The following FAM184A variants were observed in gnomAD, a reference collection of about 807,000 sequenced individuals.
FAM184A encodes the protein family with sequence similarity 184 member A.
Under a neutral mutation model 143.8 loss-of-function variants are expected in FAM184A, and 99 were observed. That is an observed-to-expected ratio of 0.69 (90% CI 0.58 to 0.81). The LOEUF is 0.81. Ranked by LOEUF, FAM184A falls within the 40% of genes least tolerant of loss-of-function variation. FAM184A has a pLI of 0.00. For missense variants in FAM184A, 1,217 were observed against 1,310.5 expected, an observed-to-expected ratio of 0.93 and a Z score of 1.10; for synonymous variants, 427 against 446.4, an observed-to-expected ratio of 0.96 and a Z score of 0.55.
At chr6:119,031,907 C>T (rs959982547) in intron 1 of FAM184A, among the ~76,000 whole-genome samples, 5 of 151,962 alleles carry the variant, frequency 3.3e-5, no homozygotes, top group Admixed American at 6.6e-5. Flanking sequence ...AAGTATACAA[C>T]GTTACATACA....
At chr6:119,109,680 A>G (rs1788880861) in intron 1 of FAM184A, among the ~76,000 whole-genome samples, 2 of 152,250 alleles carry the variant, frequency 1.3e-5, no homozygotes, top group Admixed American at 1.3e-4. Context: ...GTTAATGAAC[A>G]GAGACTCCCA....
rs184577893 is a variant in FAM184A at position 118,987,127 on chromosome 6, C to T, written c.2089-6777G>A. Among the ~76,000 whole-genome samples the T allele has an allele frequency of 3.5e-3, 528 of 152,218 alleles. 3 individuals are homozygous for T. Among genetic ancestry groups the T allele is most frequent in the African/African-American group, 0.012 (511 of 41,542 alleles). ...GAATTTCACAGGACATCTCTAGGCT[C>T]AAAGCTTTGATTTCTCTAGGGCTGG... On this transcript the variant is annotated intron_variant, in intron 9 of 17. Coordinates refer to ENST00000338891, the MANE Select transcript of FAM184A (RefSeq NM_024581.6).
At chr6:119,141,773 G>A (rs959954237) in intron 1 of FAM184A, among the ~76,000 whole-genome samples, 6 of 152,110 alleles carry the variant, frequency 3.9e-5, no homozygotes, top group African/African-American at 7.2e-5. Flanking sequence ...CACTGTGCCC[G>A]GCCCCTGTGC....
intron 9 of FAM184A, among the ~76,000 whole-genome samples, chr6:118,982,119 A>G (rs1391453515): frequency 6.6e-6 from 1 of 152,218 alleles, no homozygotes; most frequent in Non-Finnish European, 1.5e-5. Context: ...AATATGATAA[A>G]TTATACCACA....
intron 1 of FAM184A, among the ~76,000 whole-genome samples, chr6:119,125,471 C>T (rs868154368): frequency 1.6e-4 from 24 of 152,122 alleles, no homozygotes; most frequent in African/African-American, 3.6e-4. Flanking sequence ...TGAGGTTTCA[C>T]TGTGTTGTCC....
At chr6:119,098,348 TG>T (rs1788561594) in intron 1 of FAM184A, among the ~76,000 whole-genome samples, 1 of 152,168 alleles carries the variant, frequency 6.6e-6, no homozygotes, top group Non-Finnish European at 1.5e-5. Flanking sequence ...TCTTTATCAG[TG>T]GTGTGAAACA....
rs147331851 is a variant in FAM184A, at chr6:119,104,835, C to A, written c.-202+44243G>T. ...CCCAATACTACCTCAACTAGGTGAT[C>A]AAGGTCAACGTCAATAGTGATAAGT... On this transcript the variant is annotated intron_variant, in intron 1 of 16. Coordinates refer to the FAM184A transcript ENST00000352896. 5.2e-3 allele frequency among the ~76,000 whole-genome samples: 786 copies of A among 152,266 alleles called. 8 individuals are homozygous for A. Among genetic ancestry groups the A allele is most frequent in the African/African-American group, 0.018 (752 of 41,556 alleles).
intron 14 of FAM184A, among the ~76,000 whole-genome samples, chr6:118,971,808 GC>G (rs1783704977): frequency 6.6e-6 from 1 of 152,058 alleles, no homozygotes; most frequent in Admixed American, 6.6e-5. Flanking sequence ...TACATGTGTT[GC>G]CCCACCCTTC....
At chr6:119,058,173 C>T (rs11962917) in intron 1 of FAM184A, among the ~76,000 whole-genome samples, 16 of 134,354 alleles carry the variant, frequency 1.2e-4, no homozygotes, top group African/African-American at 4.7e-4. Context: ...TTCTCCTTCT[C>T]TCTTTTTTTT....
At chr6:119,072,446 T>C (rs1294615933) in intron 1 of FAM184A, among the ~76,000 whole-genome samples, 2 of 152,228 alleles carry the variant, frequency 1.3e-5, no homozygotes, top group Non-Finnish European at 2.9e-5. Context: ...CTTACCATTC[T>C]TGTTCAAAGA....
intron 4 of FAM184A, among the ~76,000 whole-genome samples, chr6:119,018,053 C>T (rs907515354): frequency 1.3e-5 from 2 of 152,174 alleles, no homozygotes; most frequent in Non-Finnish European, 2.9e-5. Flanking sequence ...GCCAAATATC[C>T]GTCTTCTCTT....
rs767459562 is a variant in FAM184A at position 119,003,556 on chromosome 6, G to T, written c.1882C>A (p.Leu628Ile). ...TIAAMKEEEKLKVDKMAHDLE... is the reference protein window; with the variant it reads ...TIAAMKEEEKIKVDKMAHDLE... ...TCATGGGCCATTTTGTCCACTTTGA[G>T]CTTCTCTTCTTCTTTCATGGCAGCA... The change falls in exon 8 of 18, where the codon CTC becomes ATC. Residue 628 changes from leucine (L) to isoleucine (I), a missense_variant. Leu to Ile is a conservative substitution (Grantham distance 5, BLOSUM62 2). Coordinates refer to ENST00000338891, the MANE Select transcript of FAM184A (RefSeq NM_024581.6). The T allele has an allele frequency of 2.5e-6, 4 of 1,613,004 alleles. No individual in the cohort carries two copies. The highest frequency in any genetic ancestry group is 2.5e-6 in the Non-Finnish European group (3 of 1,179,430).
At position 118,963,760 on chromosome 6, in the gene FAM184A, CAA is replaced by C. The variant is rs532073158; in HGVS notation, c.3138+905_3138+906del. 273 of 151,222 alleles carry C rather than the reference CAA, an allele frequency of 1.8e-3. 1 individual carries two copies. Among genetic ancestry groups the C allele is most frequent in the Middle Eastern group, 0.01 (3 of 292 alleles). 9.4% of individuals were successfully genotyped at this position (151,222 alleles called of 1,614,324 possible). A position where few individuals can be genotyped will look rare whatever the true frequency, so the allele number is the denominator to read the frequency against. On this transcript the variant is annotated intron_variant, in intron 16 of 17. Coordinates refer to ENST00000338891, the MANE Select transcript of FAM184A (RefSeq NM_024581.6). The stretch of plus-strand genomic sequence containing the variant: ...ATAAGATTCATAATTCCTATGAAGC[CAA>C]TATATATATATATGTATATATATAA...
At chr6:119,117,235 A>T (rs2114855959) in intron 1 of FAM184A, among the ~76,000 whole-genome samples, 1 of 152,336 alleles carries the variant, frequency 6.6e-6, no homozygotes, top group Middle Eastern at 3.4e-3. Flanking sequence ...AACTCTTGGG[A>T]TTTTAACTTG....
At chr6:119,060,439 A>G (rs1203292253) in intron 1 of FAM184A, among the ~76,000 whole-genome samples, 2 of 152,252 alleles carry the variant, frequency 1.3e-5, no homozygotes, top group Non-Finnish European at 2.9e-5. Context: ...TAGTACAGAT[A>G]AAGAATGAAA....
At chr6:118,994,235 T>G (rs559851332) in intron 9 of FAM184A, among the ~76,000 whole-genome samples, 1 of 152,330 alleles carries the variant, frequency 6.6e-6, no homozygotes, top group Admixed American at 6.5e-5. Flanking sequence ...AGGCCTAGCA[T>G]ATCAGAGGCA....
At position 119,116,428 on chromosome 6, in the gene FAM184A, C is replaced by T. The variant is rs951456648; in HGVS notation, c.-202+32650G>A. 2.0e-5 allele frequency among the ~76,000 whole-genome samples: 3 copies of T among 151,978 alleles called. 1 individual carries two copies. On this transcript the variant is annotated intron_variant, in intron 1 of 16. Coordinates refer to the FAM184A transcript ENST00000352896. The stretch of plus-strand genomic sequence containing the variant: ...ATGCCTATGACCTGAACGACAGGAT[C>T]GTTGGGACCTCAAGCCTCAGTGTCA...
chr6:118,966,903 CTTCTGGTTTTGA>C lies in FAM184A; in HGVS notation c.2953_2964del (p.Ser985_Glu988del), dbSNP rs747381183. 3 of 1,589,280 alleles carry C rather than the reference CTTCTGGTTTTGA, an allele frequency of 1.9e-6. No individual in the cohort carries two copies. The African/African-American group carries it at 4.0e-5, about 21-fold the overall frequency. On this transcript the variant is annotated inframe_deletion, in exon 15 of 18. Transcript: ENST00000338891. ...TTTAATTCTGTAATCATCTGTATAT[CTTCTGGTTTTGA>C]TTCTCTCATTAGATATTTTTCTTCC...
At chr6:118,970,804 C>T (rs1783672481) in intron 14 of FAM184A, among the ~76,000 whole-genome samples, 1 of 152,160 alleles carries the variant, frequency 6.6e-6, no homozygotes, top group Non-Finnish European at 1.5e-5. Context: ...GGATTCTCAC[C>T]AGGCATGCAT....
Sources: allele counts gnomAD v4.1 joint callset (sites outside exome capture counted in the v4.1 genomes callset), GRCh38; gene constraint gnomAD v4.1.1; transcripts MANE v1.5; gene names NCBI Gene and HGNC (gene_info 2026-07-23, HGNC 2026-07-21).